Variants in TMEM132D observed in about 807,000 individuals in gnomAD.
The protein encoded by TMEM132D is mature OL transmembrane protein.
Under a neutral mutation model 62.3 loss-of-function variants are expected in TMEM132D, and 21 were observed. The observed-to-expected ratio is 0.34, with a 90% CI of 0.24 to 0.49. TMEM132D has a LOEUF of 0.49. Among genes scored for constraint, TMEM132D ranks in the 20% least tolerant of loss-of-function variants. The probability of loss-of-function intolerance (pLI) is 0.99; values close to 1 mark genes in which losing one functional copy is unlikely to be tolerated. For synonymous variants in TMEM132D, 621 were observed against 575.6 expected, an observed-to-expected ratio of 1.08 and a Z score of -1.13; for missense variants, 1,346 against 1,402.8, an observed-to-expected ratio of 0.96 and a Z score of 0.65.
At chr12:129,357,295 G>T (rs1251551896) in intron 3 of TMEM132D, among the ~76,000 whole-genome samples, 3 of 143,112 alleles carry the variant, frequency 2.1e-5, no homozygotes, top group African/African-American at 7.9e-5. Context: ...GAAGGAGAAA[G>T]AAAGAAAGAA....
rs1228033102 is a variant in TMEM132D, at chr12:129,766,038, A to T, written c.80-65340T>A. Reference sequence around the variant, plus strand: ...TTCTGGACAATGAGGCGGAGGCAGAAGTGCCCTGTGTGATTCTGGGTGGAA... The same window carrying T: ...TTCTGGACAATGAGGCGGAGGCAGATGTGCCCTGTGTGATTCTGGGTGGAA... On this transcript the variant is annotated intron_variant, in intron 1 of 8. Coordinates refer to ENST00000422113, the MANE Select transcript of TMEM132D (RefSeq NM_133448.3). Among the ~76,000 whole-genome samples, 3 of 152,150 alleles carry T rather than the reference A, an allele frequency of 2.0e-5. No homozygotes were observed. The East Asian group carries it at 5.8e-4, about 29-fold the overall frequency.
chr12:129,134,230 G>T (rs1052960834), intron 5 of TMEM132D, among the ~76,000 whole-genome samples: 1 of 151,962 alleles, frequency 6.6e-6, no homozygotes, highest in Non-Finnish European at 1.5e-5. Context: ...TAGTTTGATA[G>T]TTTGAATTGG....
intron 2 of TMEM132D, among the ~76,000 whole-genome samples, chr12:129,579,935 T>C (rs546451782): frequency 1.4e-4 from 21 of 152,314 alleles, no homozygotes; most frequent in Admixed American, 1.0e-3. Flanking sequence ...GTGGTTTATT[T>C]GGAAATGTGA....
At chr12:129,168,563 G>T (rs550043904) in intron 5 of TMEM132D, among the ~76,000 whole-genome samples, 1 of 152,000 alleles carries the variant, frequency 6.6e-6, no homozygotes. Context: ...CTAATATGAC[G>T]TCCTCAAGGT....
rs192484789 is a variant in TMEM132D at position 129,870,688 on chromosome 12, T to C, written c.79+32573A>G. ...TTTTGGTGGCTTCTGTGGGCTGCTT[T>C]ATTGAACCTAAAGAGAGGTTGTAGG... is the stretch of plus-strand genomic sequence containing the variant. On this transcript the variant is annotated intron_variant, in intron 1 of 8. Coordinates refer to ENST00000422113, the MANE Select transcript of TMEM132D (RefSeq NM_133448.3). 7.9e-5 allele frequency among the ~76,000 whole-genome samples: 12 copies of C among 152,296 alleles called. No homozygotes were observed. The East Asian group carries it at 1.9e-3, about 25-fold the overall frequency.
chr12:129,354,153 GCA>G (rs1869959343), intron 3 of TMEM132D, among the ~76,000 whole-genome samples: 1 of 151,988 alleles, frequency 6.6e-6, no homozygotes, highest in Non-Finnish European at 1.5e-5. Flanking sequence ...CAGGGCTGAG[GCA>G]CAGAGACCTG....
intron 1 of TMEM132D, among the ~76,000 whole-genome samples, chr12:129,724,669 C>A (rs1394384012): frequency 6.6e-6 from 1 of 152,100 alleles, no homozygotes; most frequent in Non-Finnish European, 1.5e-5. Flanking sequence ...ATTGCAAGCA[C>A]CCATCACCGT....
chr12:129,604,281 CTG>C (rs1226651704), intron 2 of TMEM132D, among the ~76,000 whole-genome samples: 2 of 152,228 alleles, frequency 1.3e-5, no homozygotes, highest in South Asian at 2.1e-4. Flanking sequence ...AGACGTATAC[CTG>C]TGTTACAAAC....
chr12:129,223,271 G>C (rs1428400960), intron 4 of TMEM132D, among the ~76,000 whole-genome samples: 2 of 151,802 alleles, frequency 1.3e-5, no homozygotes, highest in Admixed American at 6.6e-5. Context: ...AGTGATGGTT[G>C]CTACTTCCGA....
In TMEM132D at chr12:129,700,041, C is replaced by A. The variant is rs747455279; in HGVS notation, c.737G>T (p.Arg246Ile). ...RGDCVREDAR[R>I]SNGIRTGHSD... is the part of the protein sequence containing the mutation. ...GTGGCCTGTCCGGATCCCATTGCTT[C>A]TCCTCGCGTCTTCCCTGACGCAGTC... Residue 246 changes from arginine (R) to isoleucine (I), a missense_variant, in exon 2 of 9, where the codon AGA becomes ATA. Physicochemically the swap from Arg to Ile is moderately conservative, Grantham distance 97. Transcript: ENST00000422113. 6.2e-7 allele frequency: 1 copy of A among 1,613,916 alleles called. No homozygotes were observed.
rs1593292666 is a variant in TMEM132D at position 129,196,018 on chromosome 12, T to C, written c.1443+13502A>G. On this transcript the variant is annotated intron_variant, in intron 5 of 8. Transcript: ENST00000422113. Reference sequence around the variant, plus strand: ...GGCACACGCCTGTAATCTCAGCTACTTGGGAGGCTGAGGCAGGAGGATGGC... The same window carrying C: ...GGCACACGCCTGTAATCTCAGCTACCTGGGAGGCTGAGGCAGGAGGATGGC... 2.0e-5 allele frequency among the ~76,000 whole-genome samples: 3 copies of C among 151,968 alleles called. No homozygotes were observed. In the East Asian group the frequency reaches 5.8e-4, roughly 29 times the overall value.
At chr12:129,514,869 G>GA (rs1189120184) in intron 3 of TMEM132D, among the ~76,000 whole-genome samples, 2 of 152,140 alleles carry the variant, frequency 1.3e-5, no homozygotes, top group Non-Finnish European at 2.9e-5. Flanking sequence ...GTTCCTATGG[G>GA]AAAATAGAGT....
At chr12:129,683,807 G>T (rs576823964) in intron 2 of TMEM132D, among the ~76,000 whole-genome samples, 76 of 152,048 alleles carry the variant, frequency 5.0e-4, no homozygotes, top group Middle Eastern at 3.2e-3. Flanking sequence ...ATCTATCCTT[G>T]CCCACTCGAA....
At chr12:129,312,129 G>T (rs1308590980) in intron 4 of TMEM132D, among the ~76,000 whole-genome samples, 1 of 152,212 alleles carries the variant, frequency 6.6e-6, no homozygotes, top group South Asian at 2.1e-4. Context: ...AGATGAACAT[G>T]TCTTAAGCTT....
intron 2 of TMEM132D, among the ~76,000 whole-genome samples, chr12:129,608,442 C>T (rs1438708978): frequency 1.3e-5 from 2 of 152,088 alleles, no homozygotes; most frequent in East Asian, 1.9e-4. Context: ...AAAAAGGGTA[C>T]CAAGGCTCTG....
intron 5 of TMEM132D, among the ~76,000 whole-genome samples, chr12:129,142,788 T>C (rs1876780921): frequency 6.6e-6 from 1 of 152,056 alleles, no homozygotes; most frequent in African/African-American, 2.4e-5. Context: ...TCTCTGGTCA[T>C]AGATATTCTC....
intron 3 of TMEM132D, among the ~76,000 whole-genome samples, chr12:129,393,179 G>A (rs187313091): frequency 3.3e-5 from 5 of 152,334 alleles, no homozygotes; most frequent in East Asian, 3.9e-4. Flanking sequence ...AATTCAGCCC[G>A]TGGCTAGAAA....
chr12:129,708,114 G>A (rs2137233669), intron 1 of TMEM132D, among the ~76,000 whole-genome samples: 2 of 152,250 alleles, frequency 1.3e-5, no homozygotes, highest in South Asian at 4.1e-4. Flanking sequence ...CTAGTCAGGA[G>A]GCTGAGGTGG....
Position 129,576,241 on chromosome 12 carries a change from G to A in TMEM132D, c.969-45036C>T, listed in dbSNP as rs1877655744. Reference sequence around the variant, plus strand: ...GAAAAATTAACTCCAAATGGTGTGGGTTGAAACTGTAGCAATTTCTTCTTA... The same window carrying A: ...GAAAAATTAACTCCAAATGGTGTGGATTGAAACTGTAGCAATTTCTTCTTA... On this transcript the variant is annotated intron_variant, in intron 2 of 8. Coordinates refer to ENST00000422113, the MANE Select transcript of TMEM132D (RefSeq NM_133448.3). 2.0e-5 allele frequency among the ~76,000 whole-genome samples: 3 copies of A among 151,928 alleles called. No homozygotes were observed. In the South Asian group the frequency reaches 6.2e-4, roughly 31 times the overall value.
Sources: gnomAD v4.1 joint callset for allele counts (sites outside exome capture counted in the v4.1 genomes callset) on GRCh38, gnomAD v4.1.1 for gene constraint, MANE v1.5 for transcripts, NCBI Gene and HGNC (gene_info 2026-07-23, HGNC 2026-07-21) for gene names.